The following PDE1A variants were observed in gnomAD, a reference collection of about 807,000 sequenced individuals.
PDE1A encodes the protein phosphodiesterase 1A.
In PDE1A, 35 loss-of-function variants were observed where a neutral mutation model predicts 61.7. The ratio of observed to expected loss-of-function variants is 0.57; its 90% CI spans 0.43 to 0.75. The LOEUF (loss-of-function observed/expected upper bound fraction) is 0.75, where lower values mean the gene tolerates loss of function less well. Among genes scored for constraint, PDE1A ranks in the 30% least tolerant of loss-of-function variants. The pLI, the probability that PDE1A is intolerant of heterozygous loss-of-function variation, is 0.00. For missense variants in PDE1A, 597 were observed against 630.6 expected, an observed-to-expected ratio of 0.95 and a Z score of 0.57; for synonymous variants, 232 against 213.2, an observed-to-expected ratio of 1.09 and a Z score of -0.77.
the PDE1A span, among the ~76,000 whole-genome samples, chr2:182,562,254 T>A: frequency 1.3e-5 from 2 of 152,202 alleles, no homozygotes; most frequent in Non-Finnish European, 2.9e-5. Context: ...ATTGAGAGTT[T>A]TTAGCATGAA....
chr2:182,444,126 G>A (rs1407153406), intron 2 of PDE1A, among the ~76,000 whole-genome samples: 1 of 152,222 alleles, frequency 6.6e-6, no homozygotes. Context: ...TAGACACATG[G>A]TCCCAGCTTT....
At chr2:182,186,513 A>G in exon 12 of PDE1A, 2 of 1,610,076 alleles carry the variant, frequency 1.2e-6, no homozygotes, top group Non-Finnish European at 1.7e-6. Flanking sequence ...GGCTTCCTCT[A>G]TAAGAGGAAT....
At chr2:182,188,874 G>T in intron 11 of PDE1A, 105 bp downstream of exon 11, 1 of 714,002 alleles carries the variant, frequency 1.4e-6, no homozygotes. Context: ...CATGAATATG[G>T]AGTGAGGTTT....
chr2:182,160,465 T>A (rs1367766832), intron 13 of PDE1A, among the ~76,000 whole-genome samples: 1 of 152,188 alleles, frequency 6.6e-6, no homozygotes, highest in South Asian at 2.1e-4. Flanking sequence ...CTCAGCTTTT[T>A]CTTTTGGCCT....
the PDE1A span, among the ~76,000 whole-genome samples, chr2:182,621,196 C>T: frequency 8.8e-4 from 134 of 151,804 alleles, 1 homozygote; most frequent in African/African-American, 3.0e-3. Flanking sequence ...CTACAAACTT[C>T]TCATATCTTT....
At chr2:182,377,287 G>A (rs1700467367) in intron 1 of PDE1A, among the ~76,000 whole-genome samples, 1 of 152,022 alleles carries the variant, frequency 6.6e-6, no homozygotes, top group Non-Finnish European at 1.5e-5. Flanking sequence ...TTAGAAGTGT[G>A]CAGCACCTAC....
chr2:182,295,339 G>C (rs1191975336), intron 1 of PDE1A, among the ~76,000 whole-genome samples: 1 of 152,016 alleles, frequency 6.6e-6, no homozygotes, highest in East Asian at 1.9e-4. Flanking sequence ...CTCCCAAAGT[G>C]AATAAAAGGT....
chr2:182,492,291 T>C (rs1559510373), intron 2 of PDE1A, among the ~76,000 whole-genome samples: 1 of 152,184 alleles, frequency 6.6e-6, no homozygotes, highest in Non-Finnish European at 1.5e-5. Context: ...AGTCTAACTC[T>C]CATACTAGCT....
At chr2:182,654,931 G>A in the PDE1A span, among the ~76,000 whole-genome samples, 3 of 152,096 alleles carry the variant, frequency 2.0e-5, no homozygotes, top group Non-Finnish European at 4.4e-5. Flanking sequence ...AGGTCCCAGT[G>A]GGTCAAGGCC....
chr2:182,176,620 G>A (rs1252800029), intron 13 of PDE1A, among the ~76,000 whole-genome samples: 1 of 148,058 alleles, frequency 6.8e-6, no homozygotes, highest in Non-Finnish European at 1.5e-5. Flanking sequence ...ATACAATCAT[G>A]TCGTCTGCAA....
intron 1 of PDE1A, among the ~76,000 whole-genome samples, chr2:182,399,683 G>A (rs1701894719): frequency 6.6e-6 from 1 of 151,880 alleles, no homozygotes; most frequent in Non-Finnish European, 1.5e-5. Context: ...AACCATTCTA[G>A]TATAGAGTTT....
At chr2:182,438,853 G>T (rs1439770452) in intron 2 of PDE1A, among the ~76,000 whole-genome samples, 1 of 151,976 alleles carries the variant, frequency 6.6e-6, no homozygotes, top group Admixed American at 6.6e-5. Flanking sequence ...TTTCTACTTT[G>T]CAGTTTTGGA....
the PDE1A span, among the ~76,000 whole-genome samples, chr2:182,635,698 C>G: frequency 6.8e-6 from 1 of 147,514 alleles, no homozygotes; most frequent in Non-Finnish European, 1.5e-5. Context: ...CTCTCTCTCT[C>G]TCCACATATG....
chr2:182,221,034 A>C (rs1688679737), intron 7 of PDE1A, among the ~76,000 whole-genome samples: 1 of 151,906 alleles, frequency 6.6e-6, no homozygotes, highest in African/African-American at 2.4e-5. Flanking sequence ...ATATAAATTG[A>C]AAAAAACATG....
intron 1 of PDE1A, among the ~76,000 whole-genome samples, chr2:182,396,532 T>A (rs754440546): frequency 2.0e-5 from 3 of 152,256 alleles, no homozygotes; most frequent in Non-Finnish European, 4.4e-5. Flanking sequence ...GTAATTGTCA[T>A]GAGTATTTCC....
At chr2:182,420,887 T>C (rs1477239043) in intron 1 of PDE1A, among the ~76,000 whole-genome samples, 1 of 152,208 alleles carries the variant, frequency 6.6e-6, no homozygotes, top group African/African-American at 2.4e-5. Flanking sequence ...TCCTCAATTA[T>C]AGCTTGTGTC....
At chr2:182,211,428 C>T (rs1421752832) in intron 7 of PDE1A, among the ~76,000 whole-genome samples, 2 of 152,142 alleles carry the variant, frequency 1.3e-5, no homozygotes, top group African/African-American at 4.8e-5. Context: ...GGTTTTGTAG[C>T]AAGTCTTAAA....
At chr2:182,276,588 T>C (rs2125834694) in intron 1 of PDE1A, among the ~76,000 whole-genome samples, 1 of 150,476 alleles carries the variant, frequency 6.6e-6, no homozygotes. Context: ...AACATGTGTG[T>C]TTGAACAATA....
chr2:182,705,504 CT>C, the PDE1A span, among the ~76,000 whole-genome samples: 86 of 150,104 alleles, frequency 5.7e-4, no homozygotes, highest in African/African-American at 8.5e-4. Flanking sequence ...AGGGCTAAGT[CT>C]TTTTTTTTTT....
Sources: allele counts gnomAD v4.1 joint callset (sites outside exome capture counted in the v4.1 genomes callset), GRCh38; gene constraint gnomAD v4.1.1; transcripts MANE v1.5; gene names NCBI Gene and HGNC (gene_info 2026-07-23, HGNC 2026-07-21).